The following RANBP2 variants were observed in gnomAD, a reference collection of about 807,000 sequenced individuals.
RANBP2 encodes RAN binding protein 2, also known as E3 SUMO-protein ligase RanBP2.
A neutral mutation model predicts 303.6 loss-of-function variants in RANBP2; 57 were observed. That is an observed-to-expected ratio of 0.19 (90% confidence interval 0.15 to 0.23). The LOEUF (loss-of-function observed/expected upper bound fraction) is 0.23. Among genes scored for constraint, RANBP2 ranks in the 10% least tolerant of loss-of-function variants. The pLI is 1.00. For missense variants in RANBP2, 3,138 were observed against 3,780.8 expected (o/e 0.83, Z 4.46); for synonymous variants, 1,167 against 1,301.5 (o/e 0.90, Z 2.23).
the RANBP2 span, chr2:109,614,253 G>T: frequency 2.7e-6 from 2 of 741,856 alleles, no homozygotes; most frequent in Non-Finnish European, 3.6e-6. Flanking sequence ...GGCCGAGACA[G>T]CGGGGAGCGG....
At chr2:108,991,060 A>C in the RANBP2 span, among the ~76,000 whole-genome samples, 2 of 150,526 alleles carry the variant, frequency 1.3e-5, no homozygotes, top group Non-Finnish European at 2.9e-5. Flanking sequence ...TATTTCCCAA[A>C]GAGAGAGAAA....
chr2:108,947,669 C>A, the RANBP2 span, among the ~76,000 whole-genome samples: 12 of 152,306 alleles, frequency 7.9e-5, no homozygotes, highest in Admixed American at 2.6e-4. Flanking sequence ...TGTACCTTGG[C>A]CCCTTTTAGC....
the RANBP2 span, among the ~76,000 whole-genome samples, chr2:109,090,020 C>A: frequency 3.9e-5 from 6 of 152,174 alleles, no homozygotes; most frequent in East Asian, 1.2e-3. Context: ...TATGCCTTCT[C>A]CAAACTGTTG....
chr2:108,978,467 A>G, the RANBP2 span, among the ~76,000 whole-genome samples: 1 of 152,236 alleles, frequency 6.6e-6, no homozygotes, highest in African/African-American at 2.4e-5. Flanking sequence ...AGACGCCTCA[A>G]GAGTTTTGCA....
At chr2:109,574,450 A>T in the RANBP2 span, 4 of 595,236 alleles carry the variant, frequency 6.7e-6, no homozygotes, top group African/African-American at 7.8e-5. Context: ...CTCTAAAAAA[A>T]AAAAAAAAAA....
chr2:109,761,528 AC>A, the RANBP2 span, among the ~76,000 whole-genome samples: 1 of 148,006 alleles, frequency 6.8e-6, no homozygotes, highest in African/African-American at 2.5e-5. Context: ...CGGGGATCTC[AC>A]ACTGGGGAGC....
chr2:109,639,130 C>T, the RANBP2 span, among the ~76,000 whole-genome samples: 2 of 152,320 alleles, frequency 1.3e-5, no homozygotes, highest in South Asian at 2.1e-4. Flanking sequence ...TACTCATTTG[C>T]AGATATTCAC....
chr2:109,173,359 C>T, the RANBP2 span, among the ~76,000 whole-genome samples: 3 of 152,168 alleles, frequency 2.0e-5, no homozygotes, highest in Non-Finnish European at 4.4e-5. Flanking sequence ...CGAGCCGTCC[C>T]TGCCTGGGTT....
chr2:109,034,890 G>A, the RANBP2 span, among the ~76,000 whole-genome samples: 2 of 152,188 alleles, frequency 1.3e-5, no homozygotes, highest in East Asian at 1.9e-4. Flanking sequence ...CATGCAGGAG[G>A]AGAGGGTATG....
At chr2:109,408,154 C>A in the RANBP2 span, among the ~76,000 whole-genome samples, 1 of 152,162 alleles carries the variant, frequency 6.6e-6, no homozygotes, top group African/African-American at 2.4e-5. Context: ...CTGCAGGGAT[C>A]CACAGAGGGT....
At chr2:109,567,011 A>G in the RANBP2 span, among the ~76,000 whole-genome samples, 1 of 152,004 alleles carries the variant, frequency 6.6e-6, no homozygotes, top group East Asian at 1.9e-4. Context: ...CATTTACATT[A>G]GTCAGTTTTT....
chr2:109,227,799 A>G, the RANBP2 span, among the ~76,000 whole-genome samples: 2 of 152,152 alleles, frequency 1.3e-5, no homozygotes, highest in East Asian at 3.8e-4. Flanking sequence ...ACTGGAGTCA[A>G]CACTTCCTTT....
At chr2:108,738,136 C>T (rs1315513947) in intron 6 of RANBP2, among the ~76,000 whole-genome samples, 3 of 147,586 alleles carry the variant, frequency 2.0e-5, no homozygotes, top group East Asian at 2.1e-4. Flanking sequence ...AGTGCGGTGG[C>T]GCCATCTCGG....
At chr2:108,755,138 GTTT>G (rs750300140) in intron 16 of RANBP2, 35 bp from the exon 17 acceptor site, 1 of 1,611,842 alleles carries the variant, frequency 6.2e-7, no homozygotes, top group Non-Finnish European at 8.5e-7. Context: ...TGTTCTAAGT[GTTT>G]TAAATGCTGT....
the RANBP2 span, among the ~76,000 whole-genome samples, chr2:109,400,341 T>G: frequency 6.6e-6 from 1 of 151,950 alleles, no homozygotes; most frequent in Non-Finnish European, 1.5e-5. Context: ...CACCCACACA[T>G]GTGCACTTAC....
the RANBP2 span, among the ~76,000 whole-genome samples, chr2:109,303,835 T>C: frequency 6.6e-6 from 1 of 152,178 alleles, no homozygotes; most frequent in Admixed American, 6.5e-5. Flanking sequence ...GTGAACAAGT[T>C]CATCACCTCT....
At chr2:109,485,870 G>A in the RANBP2 span, among the ~76,000 whole-genome samples, 1 of 152,232 alleles carries the variant, frequency 6.6e-6, no homozygotes, top group Non-Finnish European at 1.5e-5. Context: ...CAGCCTCATC[G>A]CAAGCCTCCA....
At chr2:109,379,320 T>G in the RANBP2 span, among the ~76,000 whole-genome samples, 1 of 152,218 alleles carries the variant, frequency 6.6e-6, no homozygotes, top group South Asian at 2.1e-4. Flanking sequence ...CCAGGACTTT[T>G]CCTTAGATGA....
At chr2:109,213,536 T>G in the RANBP2 span, among the ~76,000 whole-genome samples, 1 of 152,148 alleles carries the variant, frequency 6.6e-6, no homozygotes, top group Non-Finnish European at 1.5e-5. Flanking sequence ...GAAGCCTCTA[T>G]CACCTAACAG....
Sources: gnomAD v4.1 joint callset for allele counts (sites outside exome capture counted in the v4.1 genomes callset) on GRCh38, gnomAD v4.1.1 for gene constraint, MANE v1.5 for transcripts, NCBI Gene and HGNC (gene_info 2026-07-23, HGNC 2026-07-21) for gene names.